CDKAL1: variants seen among roughly 807,000 people sequenced by gnomAD.
CDKAL1 encodes CDKAL1 threonylcarbamoyladenosine tRNA methylthiotransferase.
CDKAL1 carries 32 observed loss-of-function variants against 68.2 expected under a neutral mutation model. The ratio of observed to expected loss-of-function variants is 0.47; its 90% CI spans 0.35 to 0.63. CDKAL1 has a LOEUF of 0.63. Among genes scored for constraint, CDKAL1 ranks in the 30% least tolerant of loss-of-function variants. CDKAL1 has a pLI of 0.00. For missense variants in CDKAL1, 606 were observed against 696.7 expected (o/e 0.87, Z 1.47); for synonymous variants, 234 against 244.3 (o/e 0.96, Z 0.39).
intron 8 of CDKAL1, among the ~76,000 whole-genome samples, chr6:20,792,594 A>G (rs1775943629): frequency 6.6e-6 from 1 of 152,172 alleles, no homozygotes; most frequent in African/African-American, 2.4e-5. Flanking sequence ...ATTTTTTTCT[A>G]TATAAGTTTA....
At chr6:21,009,018 C>T (rs938009122) in intron 11 of CDKAL1, among the ~76,000 whole-genome samples, 8 of 152,268 alleles carry the variant, frequency 5.3e-5, no homozygotes, top group Non-Finnish European at 8.8e-5. Flanking sequence ...TTTATTGAGC[C>T]TATAATATGT....
intron 4 of CDKAL1, among the ~76,000 whole-genome samples, chr6:20,562,351 C>T (rs764625711): frequency 1.3e-5 from 2 of 152,126 alleles, no homozygotes; most frequent in African/African-American, 2.4e-5. Flanking sequence ...AATTTAGAGT[C>T]TCTGGAGAAG....
At chr6:21,050,535 A>G (rs1405122129) in intron 11 of CDKAL1, among the ~76,000 whole-genome samples, 1 of 152,256 alleles carries the variant, frequency 6.6e-6, no homozygotes, top group East Asian at 1.9e-4. Flanking sequence ...CCAAAGGCAG[A>G]AAGTTCCTTT....
intron 12 of CDKAL1, among the ~76,000 whole-genome samples, chr6:21,082,139 T>G (rs1772439571): frequency 6.6e-6 from 1 of 152,192 alleles, no homozygotes; most frequent in Non-Finnish European, 1.5e-5. Flanking sequence ...AGCATTCAAA[T>G]GGACAAAAAT....
chr6:21,227,097 A>G (rs1005751913), intron 15 of CDKAL1, among the ~76,000 whole-genome samples: 2 of 152,244 alleles, frequency 1.3e-5, no homozygotes, highest in African/African-American at 2.4e-5. Flanking sequence ...AGGAATTGAC[A>G]ATCTTGATAA....
At chr6:20,552,608 T>C (rs1487033659) in intron 4 of CDKAL1, among the ~76,000 whole-genome samples, 1 of 108,290 alleles carries the variant, frequency 9.2e-6, no homozygotes, top group African/African-American at 4.1e-5. Context: ...AAGTAATTAC[T>C]TGAATGGGAA....
chr6:20,753,068 C>A (rs1773999133), intron 6 of CDKAL1, among the ~76,000 whole-genome samples: 1 of 152,062 alleles, frequency 6.6e-6, no homozygotes, highest in African/African-American at 2.4e-5. Flanking sequence ...CAATTCATTG[C>A]ATTTTAGTTT....
intron 12 of CDKAL1, among the ~76,000 whole-genome samples, chr6:21,071,489 G>C (rs1005163051): frequency 6.6e-6 from 1 of 152,112 alleles, no homozygotes; most frequent in Non-Finnish European, 1.5e-5. Context: ...TTTCTTTATA[G>C]CAGTGTGAAA....
At chr6:20,852,713 C>G (rs956117766) in intron 9 of CDKAL1, among the ~76,000 whole-genome samples, 70 of 152,296 alleles carry the variant, frequency 4.6e-4, no homozygotes, top group Admixed American at 2.7e-3. Flanking sequence ...CTATTCAGGT[C>G]TCTGAGTTTC....
At chr6:21,122,297 C>T (rs1337570592) in intron 13 of CDKAL1, among the ~76,000 whole-genome samples, 1 of 152,184 alleles carries the variant, frequency 6.6e-6, no homozygotes, top group Non-Finnish European at 1.5e-5. Context: ...ATTTCCACTA[C>T]AGAAAGTATA....
chr6:20,711,671 G>T (rs1771852626), intron 5 of CDKAL1, among the ~76,000 whole-genome samples: 1 of 152,158 alleles, frequency 6.6e-6, no homozygotes, highest in Admixed American at 6.5e-5. Context: ...TCTGGAAATT[G>T]GTATTTATGT....
chr6:21,177,894 G>A (rs1247610054), intron 13 of CDKAL1, among the ~76,000 whole-genome samples: 1 of 152,060 alleles, frequency 6.6e-6, no homozygotes, highest in Admixed American at 6.6e-5. Context: ...AAAATGAGAA[G>A]TAAAATGTTA....
Position 20,890,236 on chromosome 6 carries a change from T to C in CDKAL1, c.742+44058T>C, listed in dbSNP as rs1283286261. 2.0e-5 allele frequency among the ~76,000 whole-genome samples: 3 copies of C among 152,224 alleles called. No individual in the cohort carries two copies. The South Asian group carries it at 6.2e-4, about 32-fold the overall frequency. On this transcript the variant is annotated intron_variant, in intron 9 of 15. Coordinates refer to ENST00000274695, the MANE Select transcript of CDKAL1 (RefSeq NM_017774.3). ...CTGATGTTTTACAATGTACACACCA[T>C]GTGTGTTAATAACTAGTGCTGTAAG...
At chr6:20,702,688 T>C (rs1581411261) in intron 5 of CDKAL1, among the ~76,000 whole-genome samples, 1 of 152,144 alleles carries the variant, frequency 6.6e-6, no homozygotes, top group East Asian at 1.9e-4. Flanking sequence ...TTCCTCATGA[T>C]GTCCAGCCAC....
intron 13 of CDKAL1, among the ~76,000 whole-genome samples, chr6:21,171,305 C>G (rs2151075299): frequency 6.6e-6 from 1 of 152,246 alleles, no homozygotes; most frequent in East Asian, 1.9e-4. Flanking sequence ...CTCTGCCTCC[C>G]AGGTTCAAAG....
chr6:21,184,867 A>C (rs1266685289), intron 13 of CDKAL1, among the ~76,000 whole-genome samples: 1 of 123,670 alleles, frequency 8.1e-6, no homozygotes, highest in Non-Finnish European at 1.6e-5. Flanking sequence ...GGGTTTCACC[A>C]TGTTGCCCAG....
intron 13 of CDKAL1, among the ~76,000 whole-genome samples, chr6:21,171,259 C>CTGAA (rs1489669653): frequency 6.6e-6 from 1 of 152,146 alleles, no homozygotes; most frequent in African/African-American, 2.4e-5. Flanking sequence ...GATGCCCAGG[C>CTGAA]TGAAGTGCAG....
intron 9 of CDKAL1, among the ~76,000 whole-genome samples, chr6:20,881,392 G>C (rs1050585397): frequency 6.6e-6 from 1 of 152,154 alleles, no homozygotes; most frequent in Non-Finnish European, 1.5e-5. Flanking sequence ...TTGTATATGT[G>C]ATATATAAAT....
At chr6:21,101,053 C>G (rs74594630) in intron 12 of CDKAL1, among the ~76,000 whole-genome samples, 3,450 of 152,136 alleles carry the variant, frequency 0.023, 134 homozygotes, top group African/African-American at 0.078. Context: ...TTACTGTGCC[C>G]CAGAGGAATT....
Sources: allele counts gnomAD v4.1 joint callset (sites outside exome capture counted in the v4.1 genomes callset), GRCh38; gene constraint gnomAD v4.1.1; transcripts MANE v1.5; gene names NCBI Gene and HGNC (gene_info 2026-07-23, HGNC 2026-07-21).